ROBO2: variants seen among roughly 807,000 people sequenced by gnomAD.
ROBO2 encodes roundabout homolog 2.
A neutral mutation model predicts 160.8 loss-of-function variants in ROBO2; 53 were observed. That is an observed-to-expected ratio of 0.33 (90% CI 0.26 to 0.41). ROBO2 has a LOEUF of 0.41. ROBO2 is among the 10% of genes least tolerant of loss of function. The pLI, the probability that ROBO2 is intolerant of heterozygous loss-of-function variation, is 1.00. For synonymous variants in ROBO2, 664 were observed against 611.7 expected, an observed-to-expected ratio of 1.09 and a Z score of -1.26; for missense variants, 1,577 against 1,722.4, an observed-to-expected ratio of 0.92 and a Z score of 1.49.
chr3:76,256,350 T>A (rs906766555), intron 2 of ROBO2, among the ~76,000 whole-genome samples: 10,680 of 57,308 alleles, frequency 0.19, 567 homozygotes, highest in Non-Finnish European at 0.29. Context: ...TCTCTCTCTC[T>A]CTCACATACA....
chr3:77,207,458 TC>T (rs1232377465), intron 2 of ROBO2, among the ~76,000 whole-genome samples: 1 of 152,224 alleles, frequency 6.6e-6, no homozygotes, highest in East Asian at 1.9e-4. Context: ...TAAATGCCTC[TC>T]ATTAACTTAA....
chr3:76,520,994 T>G (rs1049834918), intron 2 of ROBO2, among the ~76,000 whole-genome samples: 1 of 151,884 alleles, frequency 6.6e-6, no homozygotes, highest in Non-Finnish European at 1.5e-5. Flanking sequence ...GCCTCTCATA[T>G]TATTTGTCCA....
intron 1 of ROBO2, among the ~76,000 whole-genome samples, chr3:77,067,144 A>T (rs2149808620): frequency 6.6e-6 from 1 of 152,018 alleles, no homozygotes; most frequent in Non-Finnish European, 1.5e-5. Flanking sequence ...TCTGTACTTG[A>T]TTTTTCGTGA....
At chr3:76,706,264 T>C (rs1274199274) in intron 2 of ROBO2, among the ~76,000 whole-genome samples, 2 of 152,062 alleles carry the variant, frequency 1.3e-5, no homozygotes, top group Non-Finnish European at 2.9e-5. Context: ...ATTAAAACAT[T>C]GTTCATTTTT....
At chr3:76,298,459 G>T (rs1251186181) in intron 2 of ROBO2, among the ~76,000 whole-genome samples, 1 of 152,130 alleles carries the variant, frequency 6.6e-6, no homozygotes, top group Non-Finnish European at 1.5e-5. Context: ...CAGGATGAGG[G>T]AGGTTGTTTG....
intron 2 of ROBO2, among the ~76,000 whole-genome samples, chr3:76,828,341 A>T (rs1296891649): frequency 1.3e-5 from 2 of 152,042 alleles, no homozygotes; most frequent in African/African-American, 4.8e-5. Flanking sequence ...ATGAAATTTT[A>T]ATCAGTTAAT....
At chr3:77,048,720 A>C (rs1424331033) in intron 1 of ROBO2, among the ~76,000 whole-genome samples, 2 of 152,210 alleles carry the variant, frequency 1.3e-5, no homozygotes, top group Non-Finnish European at 2.9e-5. Context: ...CATTGAATCT[A>C]ATAACTTTTT....
At chr3:75,968,505 A>G (rs2064880355) in intron 2 of ROBO2, among the ~76,000 whole-genome samples, 1 of 151,648 alleles carries the variant, frequency 6.6e-6, no homozygotes, top group Non-Finnish European at 1.5e-5. Flanking sequence ...TATTTAAGGC[A>G]TACACATATG....
chr3:76,231,545 T>C (rs1169387614), intron 2 of ROBO2, among the ~76,000 whole-genome samples: 1 of 152,190 alleles, frequency 6.6e-6, no homozygotes, highest in African/African-American at 2.4e-5. Flanking sequence ...TGTAGTTTCA[T>C]TTACTATCTC....
In ROBO2 at chr3:76,728,402, T is replaced by C. The variant is rs77534843; in HGVS notation, c.110-369612T>C. 6.9e-3 allele frequency among the ~76,000 whole-genome samples: 1,054 copies of C among 152,332 alleles called. 13 individuals carry two copies. The highest frequency in any genetic ancestry group is 0.024 in the African/African-American group (1,012 of 41,578). On this transcript the variant is annotated intron_variant, in intron 2 of 26. Coordinates refer to the ROBO2 transcript ENST00000487694. Reference sequence around the variant, plus strand: ...TTTTTTGAAAATTGACCTATTTCTTTTCCTAAATAATCCTTTTCTAAAGTT... The same window carrying C: ...TTTTTTGAAAATTGACCTATTTCTTCTCCTAAATAATCCTTTTCTAAAGTT...
At chr3:77,502,013 C>T (rs2087687537) in intron 5 of ROBO2, among the ~76,000 whole-genome samples, 1 of 152,092 alleles carries the variant, frequency 6.6e-6, no homozygotes, top group African/African-American at 2.4e-5. Flanking sequence ...CAGAAATAAT[C>T]TAAGCATTTT....
intron 2 of ROBO2, among the ~76,000 whole-genome samples, chr3:77,295,213 C>CG (rs1434102838): frequency 1.5e-5 from 2 of 135,938 alleles, no homozygotes. Context: ...GACGATTAAA[C>CG]GGTAAGCTGA....
chr3:76,492,913 A>T (rs1386957206), intron 2 of ROBO2, among the ~76,000 whole-genome samples: 4 of 152,196 alleles, frequency 2.6e-5, no homozygotes, highest in Non-Finnish European at 5.9e-5. Flanking sequence ...TCATGTAATT[A>T]TGATTTTATA....
chr3:76,391,632 C>A (rs2108647851), intron 2 of ROBO2, among the ~76,000 whole-genome samples: 1 of 152,146 alleles, frequency 6.6e-6, no homozygotes, highest in African/African-American at 2.4e-5. Flanking sequence ...AGCAATTCTC[C>A]TGCCTCAGGC....
chr3:77,283,230 T>C (rs2060359262), intron 2 of ROBO2, among the ~76,000 whole-genome samples: 1 of 152,152 alleles, frequency 6.6e-6, no homozygotes, highest in Middle Eastern at 3.2e-3. Flanking sequence ...AGCTAGAGAA[T>C]TAAAGATGAT....
chr3:77,201,669 T>A (rs917691936), intron 2 of ROBO2, among the ~76,000 whole-genome samples: 3 of 152,228 alleles, frequency 2.0e-5, no homozygotes, highest in African/African-American at 7.2e-5. Context: ...GGGCATTTAT[T>A]TCTGTGTGTC....
At chr3:77,342,258 A>C (rs918898970) in intron 2 of ROBO2, among the ~76,000 whole-genome samples, 1 of 152,070 alleles carries the variant, frequency 6.6e-6, no homozygotes, top group African/African-American at 2.4e-5. Flanking sequence ...ACATAAGGAG[A>C]CCATGTTTTC....
At position 76,113,896 on chromosome 3, in the gene ROBO2, G is replaced by A. The variant is rs555663775; in HGVS notation, c.109+176294G>A. ...CTCTATTAGTTCATGTGAGAGCTGT[G>A]TTTAGAAAAAGGCTGGCCCCTCTTC... is the stretch of plus-strand genomic sequence containing the variant. On this transcript the variant is annotated intron_variant, in intron 2 of 26. Transcript: ENST00000487694. Among the ~76,000 whole-genome samples the A allele has an allele frequency of 2.6e-5, 4 of 152,178 alleles. No homozygotes were observed. In the South Asian group the frequency reaches 8.3e-4, roughly 32 times the overall value.
intron 2 of ROBO2, among the ~76,000 whole-genome samples, chr3:76,151,246 T>A (rs780412244): frequency 1.3e-5 from 2 of 152,096 alleles, no homozygotes; most frequent in Non-Finnish European, 2.9e-5. Flanking sequence ...TTATGCTAGT[T>A]TCCTATAATG....
Sources: allele counts gnomAD v4.1 joint callset (sites outside exome capture counted in the v4.1 genomes callset), GRCh38; gene constraint gnomAD v4.1.1; transcripts MANE v1.5; gene names NCBI Gene and HGNC (gene_info 2026-07-23, HGNC 2026-07-21).